Variants in KNDC1 observed in about 807,000 individuals in gnomAD.
KNDC1 encodes kinase non-catalytic C-lobe domain containing 1, also known as kinase non-catalytic C-lobe domain-containing protein 1.
A neutral mutation model predicts 172.8 loss-of-function variants in KNDC1; 106 were observed. The ratio of observed to expected loss-of-function variants is 0.61; its 90% CI spans 0.52 to 0.72. The LOEUF is 0.72. KNDC1 is among the 30% of genes least tolerant of loss of function. KNDC1 has a pLI of 0.00. For missense variants in KNDC1, 2,325 were observed against 2,394.5 expected (o/e 0.97, Z 0.61); for synonymous variants, 1,083 against 1,062.2 (o/e 1.02, Z -0.38).
chr10:133,216,954 C>T (rs1040611234), intron 26 of KNDC1, among the ~76,000 whole-genome samples: 99 of 152,244 alleles, frequency 6.5e-4, no homozygotes, highest in Admixed American at 6.2e-3. Context: ...GACGGCTCCA[C>T]GTACACGAGG....
At chr10:133,208,101 G>T (rs1013796242) in intron 20 of KNDC1, among the ~76,000 whole-genome samples, 2 of 152,180 alleles carry the variant, frequency 1.3e-5, no homozygotes, top group Admixed American at 6.5e-5. Context: ...AGCCCCAAGG[G>T]TCCTCTCTGA....
chr10:133,178,290 G>C (rs534388793), intron 3 of KNDC1, among the ~76,000 whole-genome samples: 38 of 152,326 alleles, frequency 2.5e-4, no homozygotes, highest in African/African-American at 9.1e-4. Context: ...TGCAGCACTG[G>C]ATTGATCCTC....
chr10:133,189,521 T>G, intron 7 of KNDC1, 77 bp from the exon 8 acceptor site: 1 of 1,399,554 alleles, frequency 7.1e-7, no homozygotes, highest in Non-Finnish European at 9.9e-7. Context: ...TGACTGAGGC[T>G]CCGCAGCTCC....
chr10:133,196,096 C>T (rs973859006), intron 10 of KNDC1, among the ~76,000 whole-genome samples: 1 of 152,210 alleles, frequency 6.6e-6, no homozygotes, highest in African/African-American at 2.4e-5. Flanking sequence ...CCCGCTCTCT[C>T]CAGCTTGTCC....
rs937535885 is a variant in KNDC1 at position 133,195,795 on chromosome 10, C to T, written c.1708C>T (p.Arg570Trp). Reference sequence around the variant, plus strand: ...CATGGCCAGGCGCAGTGCCCCGGAGCGGCCGTCCGCGGCTGAGGCCATCAA... The same window carrying T: ...CATGGCCAGGCGCAGTGCCCCGGAGTGGCCGTCCGCGGCTGAGGCCATCAA... ...LDMARRSAPE[R>W]PSAAEAIKVC... Residue 570 changes from arginine to tryptophan, a missense_variant, in exon 10 of 30, where the codon CGG becomes TGG. Physicochemically the swap from Arg to Trp is moderately radical, Grantham distance 101. Transcript: ENST00000304613. The T allele has an allele frequency of 5.7e-6, 9 of 1,577,398 alleles. No homozygotes were observed. The highest frequency in any genetic ancestry group is 7.7e-6 in the Non-Finnish European group (9 of 1,162,498).
rs1476567957 is a variant in KNDC1 at position 133,163,774 on chromosome 10, A to G, written c.102+3205A>G. ...CCCTAATGGGGACCTGCCATGAGAT[A>G]AGGGTCCTCGGTGGGAAGCGTGCCC... On this transcript the variant is annotated intron_variant, in intron 1 of 29. Transcript: ENST00000304613. This position sits in a 1 kb window ranked among gnomAD's most constrained non-coding sequence, Gnocchi z 4.4. Among the ~76,000 whole-genome samples the G allele has an allele frequency of 6.6e-6, 1 of 152,074 alleles. No homozygotes were observed. The highest frequency in any genetic ancestry group is 1.5e-5 in the Non-Finnish European group (1 of 67,984).
chr10:133,200,081 C>T (rs1467337185), intron 15 of KNDC1, among the ~76,000 whole-genome samples: 1 of 152,144 alleles, frequency 6.6e-6, no homozygotes, highest in Non-Finnish European at 1.5e-5. Flanking sequence ...GGCAGCTCCT[C>T]CGCGTGCGTG....
chr10:133,204,994 CCCTCACCCCAGAACCACCACCCT>C (rs1845146422), intron 17 of KNDC1, among the ~76,000 whole-genome samples: 1 of 152,180 alleles, frequency 6.6e-6, no homozygotes, highest in South Asian at 2.1e-4. Flanking sequence ...CTTCCCAGAC[CCCTCACCCCAGAACCACCACCCT>C]CCTCACCCCC....
Position 133,210,613 on chromosome 10 carries a change from A to T in KNDC1, c.3797A>T (p.Asp1266Val). 1 of 1,524,326 alleles carries T rather than the reference A, an allele frequency of 6.6e-7. No individual in the cohort carries two copies. Among genetic ancestry groups the T allele is most frequent in the Non-Finnish European group, 9.1e-7 (1 of 1,099,486 alleles). 94.4% of individuals were successfully genotyped at this position (1,524,326 alleles called of 1,614,324 possible). Residue 1266 changes from aspartate to valine, a missense_variant and splice_region_variant, in exon 21 of 30, where the codon GAT (aspartate) becomes GTT (valine). By Grantham distance (152) the Asp-to-Val change is radical. Coordinates refer to ENST00000304613, the MANE Select transcript of KNDC1 (RefSeq NM_152643.8). ...LGLMAYLYSS[D>V]AFLEGYVQQF... ...CCGCCGCCCGCCCCGCCCCACAGTG[A>T]TGCCTTCCTGGAGGGTTATGTGCAG... is the stretch of plus-strand genomic sequence containing the variant.
chr10:133,210,424 A>AT (rs1015859921), intron 20 of KNDC1, among the ~76,000 whole-genome samples, 187 bp from the exon 21 acceptor site: 1 of 149,966 alleles, frequency 6.7e-6, no homozygotes, highest in Non-Finnish European at 1.5e-5. Context: ...GTAGTTGGGA[A>AT]TTTCAAATGA....
At chr10:133,213,795 G>C in intron 25 of KNDC1, 68 bp downstream of exon 25, 1 of 1,504,870 alleles carries the variant, frequency 6.6e-7, no homozygotes, top group East Asian at 2.3e-5. Flanking sequence ...TAAGAGTCTT[G>C]TGGACGCTCC....
At position 133,195,851 on chromosome 10, in the gene KNDC1, C is replaced by T. The variant is rs745410334; in HGVS notation, c.1734+30C>T. On this transcript the variant is annotated intron_variant, in intron 10 of 29. Coordinates refer to ENST00000304613, the MANE Select transcript of KNDC1 (RefSeq NM_152643.8). ...CCACACCACAGTCATGGCCCCAGCC[C>T]AGGGTCCAAGGACTGTGGGCAGTGG... 17 of 1,507,610 alleles carry T rather than the reference C, an allele frequency of 1.1e-5. 1 individual carries two copies. The Admixed American group carries it at 2.3e-4, about 21-fold the overall frequency. The allele number at this position is 1,507,610 out of a possible 1,614,324, so 93.4% of individuals were successfully genotyped here. A position where few individuals can be genotyped will look rare whatever the true frequency, so the allele number is the denominator to read the frequency against.
Position 133,201,528 on chromosome 10 carries a change from C to G in KNDC1, c.3017C>G (p.Thr1006Ser), listed in dbSNP as rs1303039131. The change falls in exon 17 of 30, where the codon ACC becomes AGC. Residue 1006 changes from threonine to serine, a missense_variant. Thr to Ser is a moderately conservative substitution (Grantham distance 58). Coordinates refer to ENST00000304613, the MANE Select transcript of KNDC1 (RefSeq NM_152643.8). ...AAAGAGAAGCCAGCCATGGCCAGGA[C>G]CAGCAGCAGGGCCCCCTGCTCACCC... is the stretch of plus-strand genomic sequence containing the variant. ...LGKEKPAMAR[T>S]SSRAPCSPTS... is the part of the protein sequence containing the mutation. 6.2e-7 allele frequency: 1 copy of G among 1,608,294 alleles called. No individual in the cohort carries two copies. The highest frequency in any genetic ancestry group is 1.3e-5 in the African/African-American group (1 of 74,730).
At chr10:133,201,398 A>G in intron 16 of KNDC1, 103 bp from the exon 17 acceptor site, 1 of 1,276,384 alleles carries the variant, frequency 7.8e-7, no homozygotes, top group Non-Finnish European at 1.1e-6. Context: ...GCAAGAGAGA[A>G]GGGCGTCGGG....
rs546737857 is a variant in KNDC1 at position 133,174,574 on chromosome 10, G to A, written c.360+6262G>A. On this transcript the variant is annotated intron_variant, in intron 3 of 29. Coordinates refer to ENST00000304613, the MANE Select transcript of KNDC1 (RefSeq NM_152643.8). ...GGTTGGAGCATAGATTATTGATGATGGATGAATGAAGGGATGGATGAGTGG... is the reference window on the plus strand; with the variant it reads ...GGTTGGAGCATAGATTATTGATGATAGATGAATGAAGGGATGGATGAGTGG... Among the ~76,000 whole-genome samples the A allele has an allele frequency of 2.0e-3, 308 of 152,320 alleles. 1 individual carries two copies. Among genetic ancestry groups the A allele is most frequent in the Non-Finnish European group, 3.6e-3 (243 of 68,038 alleles).
intron 24 of KNDC1, 100 bp downstream of exon 24, chr10:133,213,022 G>C (rs1845402970): frequency 9.2e-7 from 1 of 1,089,968 alleles, no homozygotes; most frequent in South Asian, 1.6e-5. Flanking sequence ...CAGAGGAACA[G>C]ACGGGCAGAG....
Position 133,211,808 on chromosome 10 carries a change from C to A in KNDC1, c.4186C>A (p.Pro1396Thr). ...NPREAEEDAR[P>T]FNALCKRLSE... ...CAGGGAGGCCGAGGAGGATGCCAGA[C>A]CCTTCAACGCCCTCTGTAAGAGGCT... Residue 1396 changes from proline (P) to threonine (T), a missense_variant, in exon 23 of 30, where the codon CCC becomes ACC. By Grantham distance (38) the Pro-to-Thr change is conservative. Coordinates refer to ENST00000304613, the MANE Select transcript of KNDC1 (RefSeq NM_152643.8). 2 of 1,609,546 alleles carry A rather than the reference C, an allele frequency of 1.2e-6. No individual in the cohort carries two copies. Among genetic ancestry groups the A allele is most frequent in the Admixed American group, 1.7e-5 (1 of 58,496 alleles).
Position 133,199,443 on chromosome 10 carries a change from G to A in KNDC1, c.2759-15G>A, listed in dbSNP as rs201139178. On this transcript the variant is annotated splice_polypyrimidine_tract_variant and intron_variant, in intron 14 of 29. Transcript: ENST00000304613. ...TGCCACCATCTCACTTGTCTCCATC[G>A]TTTTGCAAAACCAGGGGAGTACATC... 4.7e-5 allele frequency: 75 copies of A among 1,612,418 alleles called. No homozygotes were observed. The highest frequency in any genetic ancestry group is 5.9e-5 in the Non-Finnish European group (70 of 1,179,380).
At chr10:133,213,266 C>T (rs767767348) in intron 24 of KNDC1, among the ~76,000 whole-genome samples, 1 of 152,200 alleles carries the variant, frequency 6.6e-6, no homozygotes, top group Non-Finnish European at 1.5e-5. Flanking sequence ...CGGAGCTGGG[C>T]CAACCCGGTT....
Sources: allele counts gnomAD v4.1 joint callset (sites outside exome capture counted in the v4.1 genomes callset), GRCh38; gene constraint gnomAD v4.1.1; non-coding constraint Gnocchi (gnomAD v3.1); transcripts MANE v1.5; gene names NCBI Gene and HGNC (gene_info 2026-07-23, HGNC 2026-07-21).